The following GPSM2 variants were observed in gnomAD, a reference collection of about 807,000 sequenced individuals.
The protein encoded by GPSM2 is G protein signaling modulator 2.
A neutral mutation model predicts 78.4 loss-of-function variants in GPSM2; 58 were observed. The observed-to-expected ratio is 0.74, with a 90% confidence interval of 0.60 to 0.92. The LOEUF (loss-of-function observed/expected upper bound fraction) is 0.92, where lower values mean the gene tolerates loss of function less well. GPSM2 is among the 40% of genes least tolerant of loss of function. The pLI, the probability that GPSM2 is intolerant of heterozygous loss-of-function variation, is 0.00. For synonymous variants in GPSM2, 224 were observed against 280.2 expected, an observed-to-expected ratio of 0.80 and a Z score of 2.00; for missense variants, 700 against 815.5, an observed-to-expected ratio of 0.86 and a Z score of 1.73.
chr1:108,892,963 T>A (rs1410178777), intron 2 of GPSM2, among the ~76,000 whole-genome samples: 1 of 152,210 alleles, frequency 6.6e-6, no homozygotes, highest in Admixed American at 6.5e-5. Flanking sequence ...GTCTCTCCTG[T>A]AGGGCATTCT....
chr1:108,912,171 C>T (rs1475080120), intron 10 of GPSM2, among the ~76,000 whole-genome samples: 2 of 152,078 alleles, frequency 1.3e-5, no homozygotes, highest in African/African-American at 4.8e-5. Flanking sequence ...CACTGCCAAA[C>T]ACATCACAAT....
At chr1:108,919,052 G>T (rs1289131796) in intron 12 of GPSM2, among the ~76,000 whole-genome samples, 2 of 151,406 alleles carry the variant, frequency 1.3e-5, no homozygotes, top group African/African-American at 4.9e-5. Flanking sequence ...CTGTCACCCA[G>T]GCTGGAGTTC....
At chr1:108,900,407 T>G (rs1483706526) in intron 7 of GPSM2, among the ~76,000 whole-genome samples, 1 of 151,944 alleles carries the variant, frequency 6.6e-6, no homozygotes, top group Admixed American at 6.6e-5. Flanking sequence ...CCCAGCTAAT[T>G]TTTGTATTTT....
intron 1 of GPSM2, among the ~76,000 whole-genome samples, chr1:108,884,307 G>A (rs922712078): frequency 2.0e-5 from 3 of 151,984 alleles, no homozygotes; most frequent in African/African-American, 7.2e-5. Context: ...TTTGTTTTGG[G>A]GCAGGGTCTT....
At chr1:108,900,597 A>T (rs1213261606) in intron 7 of GPSM2, among the ~76,000 whole-genome samples, 1 of 152,198 alleles carries the variant, frequency 6.6e-6, no homozygotes, top group East Asian at 1.9e-4. Context: ...ATCCTTCCGG[A>T]TACAAAGCAG....
intron 4 of GPSM2, 101 bp downstream of exon 4, chr1:108,897,728 C>G: frequency 8.9e-7 from 1 of 1,118,166 alleles, no homozygotes; most frequent in South Asian, 1.7e-5. Context: ...AAAATTAATA[C>G]CAAAAAAGAA....
Position 108,931,112 on chromosome 1 carries a change from CTTCTG to C in GPSM2, c.*1176_*1180del, listed in dbSNP as rs1242577012. ...TTAAAAAAATTATTTAAAATGGTCT[CTTCTG>C]TTCCATAATACTGCTGTAAAACAAA... is the stretch of plus-strand genomic sequence containing the variant. On this transcript the variant is annotated 3_prime_UTR_variant, in exon 15 of 15. Coordinates refer to ENST00000264126, the MANE Select transcript of GPSM2 (RefSeq NM_013296.5). The C allele has an allele frequency of 2.3e-6, 1 of 433,858 alleles. No individual in the cohort carries two copies. Among genetic ancestry groups the C allele is most frequent in the East Asian group, 4.3e-5 (1 of 23,112 alleles). 26.9% of individuals were successfully genotyped at this position (433,858 alleles called of 1,614,324 possible). A position where few individuals can be genotyped will look rare whatever the true frequency, so the allele number is the denominator to read the frequency against.
chr1:108,922,786 A>G (rs1236788263), intron 13 of GPSM2, among the ~76,000 whole-genome samples: 2 of 152,080 alleles, frequency 1.3e-5, no homozygotes, highest in African/African-American at 4.8e-5. Flanking sequence ...GCTTTCTACT[A>G]ACTATATTAT....
At chr1:108,913,502 T>C (rs553827964) in intron 10 of GPSM2, among the ~76,000 whole-genome samples, 6 of 152,226 alleles carry the variant, frequency 3.9e-5, no homozygotes, top group Non-Finnish European at 8.8e-5. Flanking sequence ...TCAAAGATGG[T>C]TGCAGAATAC....
At chr1:108,892,090 C>T (rs77569292) in intron 2 of GPSM2, among the ~76,000 whole-genome samples, 3,989 of 152,082 alleles carry the variant, frequency 0.026, 177 homozygotes, top group African/African-American at 0.091. Flanking sequence ...GAAGGTAGAG[C>T]TAGGATTTAT....
intron 13 of GPSM2, 140 bp from the exon 14 acceptor site, chr1:108,923,860 A>T: frequency 7.3e-6 from 5 of 684,460 alleles, no homozygotes; most frequent in South Asian, 5.0e-5. Context: ...CATCAGTGTC[A>T]GCGCTATAGC....
intron 10 of GPSM2, among the ~76,000 whole-genome samples, chr1:108,908,878 C>G (rs1649483090): frequency 6.6e-6 from 1 of 151,188 alleles, no homozygotes; most frequent in African/African-American, 2.4e-5. Context: ...GTGGCATGAG[C>G]CTGTCATCCC....
intron 10 of GPSM2, among the ~76,000 whole-genome samples, chr1:108,904,807 G>A (rs565754078): frequency 4.0e-5 from 6 of 151,146 alleles, no homozygotes; most frequent in Non-Finnish European, 5.9e-5. Context: ...CTTAGGTGCC[G>A]ATTTGTTTGA....
chr1:108,897,320 T>C (rs990902016), intron 3 of GPSM2, among the ~76,000 whole-genome samples, 172 bp from the exon 4 acceptor site: 5 of 152,202 alleles, frequency 3.3e-5, no homozygotes, highest in Non-Finnish European at 5.9e-5. Flanking sequence ...AATCCAGAAA[T>C]GTAAGTTTTA....
chr1:108,926,768 T>A (rs1008452117), intron 14 of GPSM2: 3 of 152,206 alleles, frequency 2.0e-5, no homozygotes, highest in African/African-American at 7.2e-5. Context: ...GCTGACATCA[T>A]ACTCAATGGT....
At chr1:108,914,080 G>T (rs1329774611) in intron 10 of GPSM2, among the ~76,000 whole-genome samples, 1 of 152,110 alleles carries the variant, frequency 6.6e-6, no homozygotes, top group Non-Finnish European at 1.5e-5. Context: ...CAAATTAAGG[G>T]GTAATGTAGT....
intron 7 of GPSM2, among the ~76,000 whole-genome samples, chr1:108,899,844 A>G (rs1018291161): frequency 6.6e-6 from 1 of 152,236 alleles, no homozygotes; most frequent in Non-Finnish European, 1.5e-5. Flanking sequence ...TTTTAGGCCT[A>G]TCTAAAAAAA....
At chr1:108,917,083 A>G (rs1252487313) in intron 11 of GPSM2, among the ~76,000 whole-genome samples, 1 of 152,220 alleles carries the variant, frequency 6.6e-6, no homozygotes, top group Non-Finnish European at 1.5e-5. Context: ...AAGTTCAAAT[A>G]AATATATAAG....
At chr1:108,896,827 T>G (rs1648401146) in intron 2 of GPSM2, 37 bp from the exon 3 acceptor site, 5 of 1,405,986 alleles carry the variant, frequency 3.6e-6, no homozygotes, top group Non-Finnish European at 5.1e-6. Flanking sequence ...GCAGCTGTAA[T>G]GTTATGTTTA....
Sources: gnomAD v4.1 joint callset for allele counts (sites outside exome capture counted in the v4.1 genomes callset) on GRCh38, gnomAD v4.1.1 for gene constraint, MANE v1.5 for transcripts, NCBI Gene and HGNC (gene_info 2026-07-23, HGNC 2026-07-21) for gene names.